The following SLC35H1 variants were observed in gnomAD, a reference collection of about 807,000 sequenced individuals.
SLC35H1 encodes ovarian cancer-overexpressed gene 1 protein.
chr20:46,364,378 C>T, the SLC35H1 span: 2 of 152,284 alleles, frequency 1.3e-5, no homozygotes, highest in East Asian at 1.9e-4. Context: ...CACCTCGGCC[C>T]TGGGAGCTCC....
At chr20:46,350,512 G>A in the SLC35H1 span, 2 of 1,601,550 alleles carry the variant, frequency 1.2e-6, no homozygotes, top group Non-Finnish European at 1.7e-6. Context: ...CAAGGCCTTG[G>A]GGCCACCATC....
the SLC35H1 span, among the ~76,000 whole-genome samples, chr20:46,354,363 T>C: frequency 6.6e-6 from 1 of 152,164 alleles, no homozygotes; most frequent in East Asian, 1.9e-4. Flanking sequence ...AACCACGGCC[T>C]GGGAAGCCTT....
the SLC35H1 span, chr20:46,348,802 G>A: frequency 6.6e-6 from 1 of 152,204 alleles, no homozygotes; most frequent in Admixed American, 6.5e-5. Flanking sequence ...TCCTACTTTT[G>A]TAAATGGGGT....
chr20:46,356,416 C>A, the SLC35H1 span, among the ~76,000 whole-genome samples: 1 of 152,190 alleles, frequency 6.6e-6, no homozygotes, highest in African/African-American at 2.4e-5. Flanking sequence ...CTGGCGACTT[C>A]CCGGAGAGCT....
the SLC35H1 span, chr20:46,350,313 T>A: frequency 6.7e-7 from 1 of 1,489,018 alleles, no homozygotes; most frequent in Non-Finnish European, 9.0e-7. Context: ...GCTACCATGA[T>A]GAGCCCTGGC....
the SLC35H1 span, chr20:46,350,626 C>T: frequency 7.2e-7 from 1 of 1,380,612 alleles, no homozygotes; most frequent in Non-Finnish European, 9.9e-7. Flanking sequence ...CCCACCCACT[C>T]TGGAGATGAC....
At chr20:46,352,359 G>C in the SLC35H1 span, 115 of 775,792 alleles carry the variant, frequency 1.5e-4, no homozygotes, top group Non-Finnish European at 2.2e-4. Context: ...GCAGCCCAGA[G>C]AAAAAGCATG....
At chr20:46,350,277 C>G in the SLC35H1 span, 1 of 1,329,278 alleles carries the variant, frequency 7.5e-7, no homozygotes, top group Non-Finnish European at 1.0e-6. Context: ...GCCCCACCAC[C>G]TGGTGACTCC....
At chr20:46,355,132 G>A in the SLC35H1 span, 3 of 1,614,018 alleles carry the variant, frequency 1.9e-6, no homozygotes, top group Non-Finnish European at 2.5e-6. The surrounding 1 kb of genome is among the most constrained non-coding windows in gnomAD (Gnocchi z 4.8). Context: ...ACCGATGAAC[G>A]AGGCCCCCAG....
At chr20:46,350,507 C>A in the SLC35H1 span, 7 of 1,603,024 alleles carry the variant, frequency 4.4e-6, no homozygotes, top group South Asian at 2.2e-5. Flanking sequence ...CCCTTCAAGG[C>A]CTTGGGGCCA....
At chr20:46,346,254 A>G in the SLC35H1 span, 6 of 152,196 alleles carry the variant, frequency 3.9e-5, no homozygotes, top group African/African-American at 1.4e-4. Flanking sequence ...CTAAATAACC[A>G]TGGGAACAGA....
At chr20:46,351,666 G>C in the SLC35H1 span, among the ~76,000 whole-genome samples, 1 of 152,278 alleles carries the variant, frequency 6.6e-6, no homozygotes, top group Non-Finnish European at 1.5e-5. Context: ...CTTTCCTGAT[G>C]AGTCTGGATA....
chr20:46,349,363 G>A, the SLC35H1 span: 5 of 152,260 alleles, frequency 3.3e-5, no homozygotes, highest in African/African-American at 1.2e-4. Flanking sequence ...AGGAGGAGTG[G>A]AAAGCCCAAG....
chr20:46,362,218 G>A, the SLC35H1 span, among the ~76,000 whole-genome samples: 1 of 152,308 alleles, frequency 6.6e-6, no homozygotes, highest in East Asian at 1.9e-4. Context: ...ACACAGACGT[G>A]AAACTGAAAA....
chr20:46,362,390 G>A, the SLC35H1 span, among the ~76,000 whole-genome samples: 3 of 152,158 alleles, frequency 2.0e-5, no homozygotes, highest in South Asian at 6.2e-4. Context: ...GCTGGCTGGT[G>A]CATCACTGGC....
the SLC35H1 span, chr20:46,355,328 T>A: frequency 7.0e-7 from 1 of 1,435,934 alleles, no homozygotes; most frequent in Non-Finnish European, 9.4e-7. This position sits in a 1 kb window ranked among gnomAD's most constrained non-coding sequence, Gnocchi z 4.8. Context: ...TCAGCAGCCA[T>A]CTTGGCTGCC....
the SLC35H1 span, chr20:46,354,773 C>T: frequency 5.1e-6 from 5 of 975,978 alleles, no homozygotes; most frequent in African/African-American, 8.1e-5. Flanking sequence ...AGGGGAGGGA[C>T]TGCATCTTTG....
At chr20:46,358,447 C>T in the SLC35H1 span, 1 of 1,614,220 alleles carries the variant, frequency 6.2e-7, no homozygotes, top group Admixed American at 1.7e-5. Context: ...AGAGAAGCAC[C>T]AGCCCCAGGG....
At chr20:46,357,814 C>T in the SLC35H1 span, 1 of 1,607,060 alleles carries the variant, frequency 6.2e-7, no homozygotes, top group Non-Finnish European at 8.5e-7. Flanking sequence ...TTGGTTTAGA[C>T]AGCCTGCCCC....
Sources: allele counts gnomAD v4.1 joint callset (sites outside exome capture counted in the v4.1 genomes callset), GRCh38; gene constraint gnomAD v4.1.1; non-coding constraint Gnocchi (gnomAD v3.1); transcripts MANE v1.5; gene names NCBI Gene and HGNC (gene_info 2026-07-23, HGNC 2026-07-21).